The following NREP variants were observed in gnomAD, a reference collection of about 807,000 sequenced individuals.
The protein encoded by NREP is neuronal regeneration related protein.
NREP carries 5 observed loss-of-function variants against 8.6 expected under a neutral mutation model. The ratio of observed to expected loss-of-function variants is 0.58; its 90% CI spans 0.30 to 1.22. The LOEUF (loss-of-function observed/expected upper bound fraction) is 1.22, where lower values mean the gene tolerates loss of function less well. NREP is among the 50% of genes most tolerant of loss of function. NREP has a pLI of 0.07. For synonymous variants in NREP, 27 were observed against 28.0 expected (o/e 0.96, Z 0.11); for missense variants, 86 against 82.5 (o/e 1.04, Z -0.17).
Position 111,976,745 on chromosome 5 carries a change from T to C in NREP, c.-6A>G, listed in dbSNP as rs1205449601. On this transcript the variant is annotated 5_prime_UTR_variant, in exon 1 of 4. Transcript: ENST00000395634. ...TAATTCCAAACTCCTTTCATTCCAG[T>C]CCTGTTACTGCTTGAGGATAAAGTT... 3 of 1,550,694 alleles carry C rather than the reference T, an allele frequency of 1.9e-6. No homozygotes were observed. In the African/African-American group the frequency reaches 4.1e-5, roughly 21 times the overall value.
upstream of NREP, among the ~76,000 whole-genome samples, chr5:111,759,370 C>T (rs1750905448): frequency 6.6e-6 from 1 of 152,078 alleles, no homozygotes; most frequent in Admixed American, 6.5e-5. Context: ...TAAAACTTCC[C>T]TAAGATGTTC....
intron 2 of NREP, among the ~76,000 whole-genome samples, chr5:111,913,649 T>A (rs1013131954): frequency 6.6e-6 from 1 of 152,066 alleles, no homozygotes; most frequent in African/African-American, 2.4e-5. Context: ...GGTAAGAGGA[T>A]GATAGTGAGG....
At chr5:111,842,054 A>G (rs901993457) in intron 2 of NREP, among the ~76,000 whole-genome samples, 2 of 152,060 alleles carry the variant, frequency 1.3e-5, no homozygotes, top group African/African-American at 4.8e-5. Context: ...ACCTCTATGT[A>G]TTATCTCATT....
At position 111,860,379 on chromosome 5, in the gene NREP, T is replaced by C. The variant is rs546649240; in HGVS notation, c.135+114895A>G. ...TCTTCCATTTATGCCTTTTTCTTCATTGTATTGCACTTTAATCCTAGATAT... is the reference window on the plus strand; with the variant it reads ...TCTTCCATTTATGCCTTTTTCTTCACTGTATTGCACTTTAATCCTAGATAT... On this transcript the variant is annotated intron_variant, in intron 2 of 3. Coordinates refer to the NREP transcript ENST00000395634. Among the ~76,000 whole-genome samples, 103 of 152,292 alleles carry C rather than the reference T, an allele frequency of 6.8e-4. 1 individual carries two copies. In the South Asian group the frequency reaches 0.021, roughly 31 times the overall value.
intron 2 of NREP, among the ~76,000 whole-genome samples, chr5:111,939,589 G>C (rs1388934048): frequency 1.3e-5 from 2 of 152,062 alleles, no homozygotes; most frequent in Admixed American, 1.3e-4. Flanking sequence ...TGCCGCACGT[G>C]CAAGTGCACA....
chr5:111,935,445 C>G (rs963433010), intron 2 of NREP, among the ~76,000 whole-genome samples: 1 of 152,038 alleles, frequency 6.6e-6, no homozygotes, highest in East Asian at 1.9e-4. Context: ...GGATGTACCC[C>G]TGCAGGGAGG....
At chr5:111,894,702 T>G (rs1311225643) in intron 2 of NREP, among the ~76,000 whole-genome samples, 1 of 152,188 alleles carries the variant, frequency 6.6e-6, no homozygotes, top group African/African-American at 2.4e-5. Context: ...GCTGCCCGCA[T>G]GAATTTTACT....
chr5:111,755,769 C>G lies in NREP; in HGVS notation c.3+1G>C. On this transcript the variant is annotated splice_donor_variant, in intron 2 of 3. Coordinates refer to ENST00000257435, the MANE Select transcript of NREP (RefSeq NM_004772.4). LOFTEE classifies it high-confidence loss of function. The stretch of plus-strand genomic sequence containing the variant: ...AATCTCCTCTGATGACCAAGTCTTA[C>G]CATTTTGAGAATCTTAGTCTTGGGC... The G allele has an allele frequency of 1.9e-6, 3 of 1,613,818 alleles. No individual in the cohort carries two copies. Among genetic ancestry groups the G allele is most frequent in the Non-Finnish European group, 2.5e-6 (3 of 1,179,754 alleles).
intron 2 of NREP, among the ~76,000 whole-genome samples, chr5:111,751,600 T>A (rs1561647242): frequency 6.6e-6 from 1 of 152,226 alleles, no homozygotes; most frequent in African/African-American, 2.4e-5. Context: ...AATATATCTT[T>A]ACCAACCAAG....
chr5:111,804,613 G>C (rs919530594), intron 2 of NREP, among the ~76,000 whole-genome samples: 2 of 152,000 alleles, frequency 1.3e-5, no homozygotes, highest in Non-Finnish European at 2.9e-5. Flanking sequence ...TAAATTGGGA[G>C]ACATATTTGC....
chr5:111,759,376 T>C (rs2112861157), upstream of NREP, among the ~76,000 whole-genome samples: 1 of 152,286 alleles, frequency 6.6e-6, no homozygotes, highest in South Asian at 2.1e-4. Context: ...TTCCCTAAGA[T>C]GTTCTTTCAC....
Position 111,788,260 on chromosome 5 carries a change from A to C in NREP, c.136-52753T>G, listed in dbSNP as rs928765296. Among the ~76,000 whole-genome samples the C allele has an allele frequency of 2.0e-5, 3 of 152,232 alleles. No homozygotes were observed. The South Asian group carries it at 6.2e-4, about 32-fold the overall frequency. ...AAAATGGCCAAAATATTTATGATCA[A>C]AAATGTCTAACATAAATTGTTTGCA... On this transcript the variant is annotated intron_variant, in intron 2 of 3. Coordinates refer to the NREP transcript ENST00000395634.
rs141753857 is a variant in NREP at position 111,864,975 on chromosome 5, T to A, written c.135+110299A>T. Among the ~76,000 whole-genome samples, 337 of 152,292 alleles carry A rather than the reference T, an allele frequency of 2.2e-3. 1 individual carries two copies. The highest frequency in any genetic ancestry group is 4.4e-3 in the Non-Finnish European group (296 of 68,006). On this transcript the variant is annotated intron_variant, in intron 2 of 3. Coordinates refer to the NREP transcript ENST00000395634. Reference sequence around the variant, plus strand: ...CTTAGCTATTCAAAGGGGAAGTTGATAAAGTAAACTTTTTTTGTGTGAAAT... The same window carrying A: ...CTTAGCTATTCAAAGGGGAAGTTGAAAAAGTAAACTTTTTTTGTGTGAAAT...
intron 2 of NREP, among the ~76,000 whole-genome samples, chr5:111,829,791 A>G (rs758328953): frequency 2.0e-5 from 3 of 152,148 alleles, no homozygotes; most frequent in Non-Finnish European, 4.4e-5. Flanking sequence ...TTGACTAGCT[A>G]CTGAATTTAT....
chr5:111,957,566 TTAATA>T (rs1249920763), intron 2 of NREP, among the ~76,000 whole-genome samples: 2 of 144,988 alleles, frequency 1.4e-5, no homozygotes, highest in Non-Finnish European at 3.0e-5. Context: ...ATCTATGATA[TTAATA>T]TAATATTTAC....
intron 2 of NREP, among the ~76,000 whole-genome samples, chr5:111,770,554 CTTTTTTTT>C (rs34538408): frequency 2.9e-4 from 21 of 73,626 alleles, no homozygotes; most frequent in Admixed American, 3.7e-4. Flanking sequence ...GAATTATTTC[CTTTTTTTT>C]TTTTTTTTTT....
chr5:111,751,593 A>G (rs1188658059), intron 2 of NREP, among the ~76,000 whole-genome samples: 3 of 152,222 alleles, frequency 2.0e-5, no homozygotes, highest in East Asian at 1.9e-4. Flanking sequence ...ATATTGTAAT[A>G]TATCTTTACC....
intron 2 of NREP, among the ~76,000 whole-genome samples, chr5:111,754,280 T>C (rs1750564737): frequency 6.6e-6 from 1 of 152,236 alleles, no homozygotes; most frequent in Non-Finnish European, 1.5e-5. Flanking sequence ...ACAAAGCTCA[T>C]TCTACTTACT....
chr5:111,804,313 C>T (rs1263500424), intron 2 of NREP, among the ~76,000 whole-genome samples: 1 of 152,114 alleles, frequency 6.6e-6, no homozygotes, highest in Non-Finnish European at 1.5e-5. Flanking sequence ...TTTGGAATAA[C>T]TGAATAGCCA....
Sources: allele counts gnomAD v4.1 joint callset (sites outside exome capture counted in the v4.1 genomes callset), GRCh38; gene constraint gnomAD v4.1.1; transcripts MANE v1.5; gene names NCBI Gene and HGNC (gene_info 2026-07-23, HGNC 2026-07-21).